BCAR1: variants seen among roughly 807,000 people sequenced by gnomAD.
BCAR1 encodes breast cancer anti-estrogen resistance protein 1.
BCAR1 carries 30 observed loss-of-function variants against 67.6 expected under a neutral mutation model. The ratio of observed to expected loss-of-function variants is 0.44; its 90% confidence interval spans 0.33 to 0.60. The LOEUF (loss-of-function observed/expected upper bound fraction) is 0.60, where lower values mean the gene tolerates loss of function less well. BCAR1 is among the 20% of genes least tolerant of loss of function. The pLI, the probability that BCAR1 is intolerant of heterozygous loss-of-function variation, is 0.02. For synonymous variants in BCAR1, 626 were observed against 556.7 expected, an observed-to-expected ratio of 1.12 and a Z score of -1.75; for missense variants, 1,313 against 1,222.3, an observed-to-expected ratio of 1.07 and a Z score of -1.11.
At chr16:75,243,904 G>A (rs1217768475) in intron 1 of BCAR1, among the ~76,000 whole-genome samples, 1 of 152,260 alleles carries the variant, frequency 6.6e-6, no homozygotes, top group East Asian at 1.9e-4. Flanking sequence ...CCATCGAGGT[G>A]CCAGGCGCAG....
intron 1 of BCAR1, chr16:75,248,729 G>A (rs1322725177): frequency 1.3e-5 from 2 of 154,286 alleles, no homozygotes; most frequent in African/African-American, 2.4e-5. Context: ...GCCACCCCAG[G>A]GGAGCATGGC....
chr16:75,252,899 G>T (rs1597266490), upstream of BCAR1, among the ~76,000 whole-genome samples: 1 of 149,120 alleles, frequency 6.7e-6, no homozygotes, highest in South Asian at 2.1e-4. Flanking sequence ...TGCTGCTCAG[G>T]TGCTCTGGGG....
At chr16:75,264,550 A>T in intron 1 of BCAR1, 1 of 1,373,136 alleles carries the variant, frequency 7.3e-7, no homozygotes, top group Non-Finnish European at 9.4e-7. Context: ...TCTGAACCAG[A>T]ACGGATGGCG....
At chr16:75,233,811 G>T (rs944676883) in intron 6 of BCAR1, 35 bp downstream of exon 6, 7 of 1,561,858 alleles carry the variant, frequency 4.5e-6, no homozygotes, top group Non-Finnish European at 5.2e-6. Context: ...GGGTCAGCGG[G>T]CAAAGCTGGG....
chr16:75,265,923 AG>A, intron 1 of BCAR1: 1 of 1,103,432 alleles, frequency 9.1e-7, no homozygotes, highest in Non-Finnish European at 1.1e-6. Context: ...AGGCCCCGCG[AG>A]GGGTCCCGGC....
chr16:75,238,020 G>T (rs551615959), intron 2 of BCAR1: 1 of 1,286,648 alleles, frequency 7.8e-7, no homozygotes, highest in Non-Finnish European at 1.0e-6. Context: ...GATCCCCAGC[G>T]ACCTGAAAGG....
At chr16:75,233,810 G>A (rs755814163) in intron 6 of BCAR1, 36 bp downstream of exon 6, 44 of 1,559,880 alleles carry the variant, frequency 2.8e-5, no homozygotes, top group Admixed American at 2.8e-4. Context: ...GGGGTCAGCG[G>A]GCAAAGCTGG....
At chr16:75,234,347 T>C (rs4888362) in intron 5 of BCAR1, among the ~76,000 whole-genome samples, 122,380 of 152,106 alleles carry the variant, frequency 0.8, 49,789 homozygotes, top group East Asian at 1. Flanking sequence ...GAGGGTGGGG[T>C]ACCCGCAGAA....
At position 75,239,211 on chromosome 16, in the gene BCAR1, G is replaced by C. The variant is rs572878175; in HGVS notation, c.634-1867C>G. ...ACAGGCCACCCTGCTGCACACCTGA[G>C]ACCCCACTAGCAGGCCGTGGAGGTC... is the stretch of plus-strand genomic sequence containing the variant. On this transcript the variant is annotated intron_variant, in intron 2 of 6. Coordinates refer to ENST00000162330, the MANE Select transcript of BCAR1 (RefSeq NM_014567.5). 13 of 755,232 alleles carry C rather than the reference G, an allele frequency of 1.7e-5. 1 individual carries two copies. In the Middle Eastern group the frequency reaches 2.0e-3, roughly 118 times the overall value. The allele number at this position is 755,232 out of a possible 1,614,324, so 46.8% of individuals were successfully genotyped here. A position where few individuals can be genotyped will look rare whatever the true frequency, so the allele number is the denominator to read the frequency against.
At position 75,242,621 on chromosome 16, in the gene BCAR1, G is replaced by A. The variant is rs763926002; in HGVS notation, c.482C>T (p.Ala161Val). 1.5e-5 allele frequency: 23 copies of A among 1,513,824 alleles called. No individual in the cohort carries two copies. Among genetic ancestry groups the A allele is most frequent in the Non-Finnish European group, 1.9e-5 (22 of 1,131,730 alleles). The allele number at this position is 1,513,824 out of a possible 1,614,324, so 93.8% of individuals were successfully genotyped here. A position where few individuals can be genotyped will look rare whatever the true frequency, so the allele number is the denominator to read the frequency against. Residue 161 changes from alanine to valine, a missense_variant, in exon 2 of 7, where the codon GCC becomes GTC. Physicochemically the swap from Ala to Val is moderately conservative, Grantham distance 64. Transcript: ENST00000162330. ...QTPHHPFPSP[A>V]TDLYQVPPGP... Reference sequence around the variant, plus strand: ...TGGGGGCACCTGGTACAGGTCTGTGGCCGGGCTGGGAAACGGGTGATGGGG... The same window carrying A: ...TGGGGGCACCTGGTACAGGTCTGTGACCGGGCTGGGAAACGGGTGATGGGG...
intron 4 of BCAR1, chr16:75,236,368 TGCCACC>T (rs1438743941): frequency 9.0e-6 from 3 of 332,840 alleles, no homozygotes; most frequent in Non-Finnish European, 1.7e-5. Context: ...ATACTGCCAC[TGCCACC>T]ACCATCATAT....
At chr16:75,250,683 C>G in intron 1 of BCAR1, 2 of 985,592 alleles carry the variant, frequency 2.0e-6, no homozygotes, top group Non-Finnish European at 2.4e-6. Flanking sequence ...GTCCAGCGAT[C>G]AGCCTCTCGG....
Position 75,237,259 on chromosome 16 carries a change from AG to A in BCAR1, c.718del (p.Leu240CysfsTer73), listed in dbSNP as rs1221807571. 6.5e-7 allele frequency: 1 copy of A among 1,527,270 alleles called. No individual in the cohort carries two copies. The highest frequency in any genetic ancestry group is 8.8e-7 in the Non-Finnish European group (1 of 1,142,674). 94.6% of individuals were successfully genotyped at this position (1,527,270 alleles called of 1,614,324 possible). On this transcript the variant is annotated frameshift_variant, in exon 3 of 7. Coordinates refer to ENST00000162330, the MANE Select transcript of BCAR1 (RefSeq NM_014567.5). LOFTEE classifies it high-confidence loss of function. ...EQDEYDIPRH[L>X]LAPGPQDIYD... ...GATGTCCTGTGGCCCCGGGGCCAGCAGGTGTCGCGGGATGTCGTACTCGTCC... is the reference window on the plus strand; with the variant it reads ...GATGTCCTGTGGCCCCGGGGCCAGCAGTGTCGCGGGATGTCGTACTCGTCC...
upstream of BCAR1, chr16:75,252,085 G>C (rs954628456): frequency 1.9e-6 from 2 of 1,036,768 alleles, no homozygotes; most frequent in African/African-American, 1.6e-5. Flanking sequence ...GGAAAGGGGA[G>C]GGGGCGTGCC....
intron 4 of BCAR1, 150 bp from the exon 5 acceptor site, chr16:75,236,136 A>C: frequency 5.2e-6 from 5 of 966,428 alleles, no homozygotes; most frequent in Non-Finnish European, 7.5e-6. Flanking sequence ...ACACATACAA[A>C]TGCAGAGGCA....
intron 1 of BCAR1, chr16:75,266,728 G>A (rs1286491124): frequency 1.4e-6 from 2 of 1,438,780 alleles, no homozygotes; most frequent in African/African-American, 1.4e-5. Context: ...TCAAAGGAAG[G>A]ACCAGGGGTC....
At chr16:75,264,302 T>A in intron 1 of BCAR1, 1 of 1,425,242 alleles carries the variant, frequency 7.0e-7, no homozygotes, top group Non-Finnish European at 9.2e-7. Context: ...CCGCCCAGGC[T>A]GGGATGTGGC....
chr16:75,230,050 G>A, intron 6 of BCAR1, 27 bp from the exon 7 acceptor site: 3 of 1,518,426 alleles, frequency 2.0e-6, no homozygotes, highest in Non-Finnish European at 2.6e-6. Context: ...GCAGGAGCAG[G>A]GTTAGGCTCT....
At chr16:75,253,640 T>G (rs1294992203), upstream of BCAR1, among the ~76,000 whole-genome samples, 1 of 151,976 alleles carries the variant, frequency 6.6e-6, no homozygotes, top group Non-Finnish European at 1.5e-5. Context: ...CTTTTCCACT[T>G]AAATTCCCTC....
Sources: allele counts gnomAD v4.1 joint callset (sites outside exome capture counted in the v4.1 genomes callset), GRCh38; gene constraint gnomAD v4.1.1; transcripts MANE v1.5; gene names NCBI Gene and HGNC (gene_info 2026-07-23, HGNC 2026-07-21).